CHN1: variants seen among roughly 807,000 people sequenced by gnomAD.
CHN1 encodes N-chimaerin.
Under a neutral mutation model 59.5 loss-of-function variants are expected in CHN1, and 37 were observed. That is an observed-to-expected ratio of 0.62 (90% CI 0.48 to 0.82). CHN1 has a LOEUF of 0.82. Ranked by LOEUF, CHN1 falls within the 40% of genes least tolerant of loss-of-function variation. CHN1 has a pLI of 0.00. For missense variants in CHN1, 469 were observed against 571.0 expected (o/e 0.82, Z 1.82); for synonymous variants, 206 against 200.4 (o/e 1.03, Z -0.24).
At chr2:174,839,187 T>G (rs1313962237) in intron 7 of CHN1, among the ~76,000 whole-genome samples, 1 of 152,144 alleles carries the variant, frequency 6.6e-6, no homozygotes, top group Non-Finnish European at 1.5e-5. Flanking sequence ...GTGAGAACAC[T>G]TAAAATCTAC....
At chr2:174,945,294 A>G (rs1183350128) in intron 2 of CHN1, 1 of 290,096 alleles carries the variant, frequency 3.4e-6, no homozygotes, top group East Asian at 9.2e-5. Flanking sequence ...TTATATATAC[A>G]TATATTTAAA....
intron 6 of CHN1, among the ~76,000 whole-genome samples, chr2:174,864,561 A>G (rs1311629156): frequency 1.3e-5 from 2 of 152,190 alleles, no homozygotes; most frequent in Non-Finnish European, 2.9e-5. Flanking sequence ...TCTACTAAGT[A>G]TACTGCTATT....
intron 6 of CHN1, among the ~76,000 whole-genome samples, chr2:174,849,434 G>A (rs897411315): frequency 1.1e-4 from 17 of 152,168 alleles, no homozygotes; most frequent in Admixed American, 3.3e-4. Flanking sequence ...TGAAAACAGC[G>A]TTGGCTACTC....
rs187100756 is a variant in CHN1 at position 174,811,607 on chromosome 2, T to C, written c.887-19A>G. Reference sequence around the variant, plus strand: ...TTAAGACCTGAAAAATAAAACTAGTTAGTTTCTTTGAATTATGCCTTTTCT... The same window carrying C: ...TTAAGACCTGAAAAATAAAACTAGTCAGTTTCTTTGAATTATGCCTTTTCT... On this transcript the variant is annotated intron_variant, in intron 9 of 12. Transcript: ENST00000409900. 2 of 1,514,760 alleles carry C rather than the reference T, an allele frequency of 1.3e-6. No individual in the cohort carries two copies. The highest frequency in any genetic ancestry group is 3.6e-5 in the Admixed American group (2 of 56,058). The allele number at this position is 1,514,760 out of a possible 1,614,324, so 93.8% of individuals were successfully genotyped here.
intron 5 of CHN1, among the ~76,000 whole-genome samples, chr2:174,908,834 T>C (rs574343269): frequency 1.3e-5 from 2 of 152,262 alleles, no homozygotes; most frequent in East Asian, 3.9e-4. Flanking sequence ...TTGACACATA[T>C]TAGTGACATA....
chr2:174,990,233 CTGTGTGTGTGTG>C lies in CHN1; in HGVS notation c.19+14649_19+14660del, dbSNP rs954929353. On this transcript the variant is annotated intron_variant, in intron 1 of 12. Coordinates refer to ENST00000409900, the MANE Select transcript of CHN1 (RefSeq NM_001822.7). ...TGCGGGGTGTGTGTGTGTGGTGTGT[CTGTGTGTGTGTG>C]TGTGTGTGTGTGTGTGTGAGAGAGA... 6.0e-5 allele frequency among the ~76,000 whole-genome samples: 7 copies of C among 116,078 alleles called. No homozygotes were observed. The East Asian group carries it at 1.6e-3, about 27-fold the overall frequency. 76.2% of individuals were successfully genotyped at this position (116,078 alleles called of 152,430 possible).
At chr2:174,991,355 T>C (rs1014430689) in intron 1 of CHN1, among the ~76,000 whole-genome samples, 6 of 152,248 alleles carry the variant, frequency 3.9e-5, no homozygotes, top group Admixed American at 1.3e-4. Context: ...AGAAGGTTTC[T>C]GTTTCCAGTT....
chr2:174,981,887 C>A (rs952905783), intron 1 of CHN1, among the ~76,000 whole-genome samples: 4 of 152,052 alleles, frequency 2.6e-5, no homozygotes, highest in African/African-American at 9.7e-5. Context: ...TGTTGGTGTG[C>A]TGCACCCATT....
intron 8 of CHN1, among the ~76,000 whole-genome samples, chr2:174,813,721 T>C (rs1410752457): frequency 6.6e-6 from 1 of 152,250 alleles, no homozygotes; most frequent in Non-Finnish European, 1.5e-5. Context: ...AAACTTTATG[T>C]TGACCTCTTG....
chr2:174,942,149 C>T (rs555432667), intron 3 of CHN1, among the ~76,000 whole-genome samples: 2 of 152,280 alleles, frequency 1.3e-5, no homozygotes, highest in African/African-American at 4.8e-5. Flanking sequence ...CCACCAATCT[C>T]ATTACTGGGG....
intron 6 of CHN1, 184 bp from the exon 7 acceptor site, chr2:174,847,141 CA>C: frequency 1.9e-6 from 3 of 1,546,128 alleles, no homozygotes; most frequent in Non-Finnish European, 1.7e-6. Context: ...TTTTGGAATT[CA>C]CAAGGAAAGA....
At chr2:174,816,921 T>C (rs150658720) in intron 8 of CHN1, among the ~76,000 whole-genome samples, 176 of 152,140 alleles carry the variant, frequency 1.2e-3, no homozygotes, top group African/African-American at 4.1e-3. Flanking sequence ...AAAGGGCTCT[T>C]GGTAAAAAGC....
At chr2:174,939,475 C>T (rs915500292) in intron 3 of CHN1, among the ~76,000 whole-genome samples, 3 of 152,040 alleles carry the variant, frequency 2.0e-5, no homozygotes, top group African/African-American at 7.2e-5. Flanking sequence ...TGTTTTTATT[C>T]CTTCAACTTT....
intron 12 of CHN1, among the ~76,000 whole-genome samples, chr2:174,800,956 A>G (rs1021827181): frequency 6.6e-6 from 1 of 152,232 alleles, no homozygotes; most frequent in Admixed American, 6.5e-5. Context: ...GAAAAATGTA[A>G]ACATTCATGA....
chr2:174,957,941 T>C (rs1219914949), intron 1 of CHN1, among the ~76,000 whole-genome samples: 1 of 152,088 alleles, frequency 6.6e-6, no homozygotes, highest in Non-Finnish European at 1.5e-5. Context: ...AAAGCCCCAA[T>C]GAAAGCTCTG....
In CHN1 at chr2:174,798,929, C is replaced by G. The variant is rs191617586; in HGVS notation, c.*1187G>C. The stretch of plus-strand genomic sequence containing the variant: ...GGAGGGTTGTTGGCTCCAAGCCACA[C>G]AGGTGGCCAGTGGTAGTACCAGGCC... On this transcript the variant is annotated 3_prime_UTR_variant, in exon 13 of 13. Coordinates refer to ENST00000409900, the MANE Select transcript of CHN1 (RefSeq NM_001822.7). Among the ~76,000 whole-genome samples, 103 of 152,376 alleles carry G rather than the reference C, an allele frequency of 6.8e-4. No individual in the cohort carries two copies. Among genetic ancestry groups the G allele is most frequent in the African/African-American group, 2.4e-3 (98 of 41,590 alleles).
At chr2:174,906,008 A>T (rs1284673912) in intron 5 of CHN1, among the ~76,000 whole-genome samples, 1 of 152,206 alleles carries the variant, frequency 6.6e-6, no homozygotes, top group Non-Finnish European at 1.5e-5. Context: ...AACTTCATAC[A>T]CTGCTGGTGG....
chr2:174,948,476 T>C (rs1327989281), intron 2 of CHN1, among the ~76,000 whole-genome samples: 2 of 152,206 alleles, frequency 1.3e-5, no homozygotes, highest in African/African-American at 4.8e-5. Context: ...AGTCCACAAC[T>C]TAGACTTCTT....
intron 5 of CHN1, among the ~76,000 whole-genome samples, chr2:174,886,406 C>T (rs1167840413): frequency 6.6e-6 from 1 of 152,126 alleles, no homozygotes; most frequent in African/African-American, 2.4e-5. Flanking sequence ...AAATTGACCC[C>T]AATTATTAAA....
Sources: gnomAD v4.1 joint callset for allele counts (sites outside exome capture counted in the v4.1 genomes callset) on GRCh38, gnomAD v4.1.1 for gene constraint, MANE v1.5 for transcripts, NCBI Gene and HGNC (gene_info 2026-07-23, HGNC 2026-07-21) for gene names.